Variants in UTRN observed in about 807,000 individuals in gnomAD.
UTRN encodes dystrophin-related protein 1.
Under a neutral mutation model 463.9 loss-of-function variants are expected in UTRN, and 283 were observed. The ratio of observed to expected loss-of-function variants is 0.61; its 90% confidence interval spans 0.55 to 0.67. The LOEUF is 0.67. UTRN is among the 30% of genes least tolerant of loss of function. The pLI is 0.00. For missense variants in UTRN, 3,922 were observed against 4,084.3 expected, an observed-to-expected ratio of 0.96 and a Z score of 1.08; for synonymous variants, 1,442 against 1,431.5, an observed-to-expected ratio of 1.01 and a Z score of -0.17.
At chr6:144,673,408 G>T (rs1030400108) in intron 51 of UTRN, among the ~76,000 whole-genome samples, 17 of 151,802 alleles carry the variant, frequency 1.1e-4, no homozygotes, top group African/African-American at 3.6e-4. Context: ...ATCCTTTCTT[G>T]TCTCTTTAGT....
intron 51 of UTRN, among the ~76,000 whole-genome samples, chr6:144,662,310 A>G (rs2128672979): frequency 6.6e-6 from 1 of 152,306 alleles, no homozygotes; most frequent in South Asian, 2.1e-4. Context: ...AAGTATCAGT[A>G]CCTCACACGT....
chr6:144,309,668 C>T (rs944936497), intron 2 of UTRN, among the ~76,000 whole-genome samples: 30 of 152,216 alleles, frequency 2.0e-4, no homozygotes, highest in African/African-American at 6.5e-4. Context: ...ACTTGTCTCT[C>T]TGCTTCCTCC....
intron 2 of UTRN, among the ~76,000 whole-genome samples, chr6:144,311,166 C>G (rs910352518): frequency 2.0e-5 from 3 of 152,188 alleles, no homozygotes; most frequent in Non-Finnish European, 4.4e-5. Flanking sequence ...CTAAAAGGTC[C>G]CAGGTTATGG....
At chr6:144,577,015 T>C in intron 50 of UTRN, 84 bp from the exon 51 acceptor site, 1 of 1,377,600 alleles carries the variant, frequency 7.3e-7, no homozygotes, top group East Asian at 2.4e-5. Flanking sequence ...GGCTGCCTGT[T>C]AGTTTTTTAT....
intron 18 of UTRN, among the ~76,000 whole-genome samples, chr6:144,453,225 C>A (rs1399024129): frequency 2.0e-5 from 3 of 152,046 alleles, no homozygotes; most frequent in Non-Finnish European, 4.4e-5. Context: ...CGGGTTCAAG[C>A]AATTCTCATG....
rs1346713119 is a variant in UTRN at position 144,462,689 on chromosome 6, A to C, written c.2889A>C (p.Ala963=). The part of the protein sequence containing the change: ...LDEILENQKP[A]LHKLAEETKA... ...AAATCCTTGAGAATCAGAAACCTGC[A>C]TTACATAAACTTGCAGAAGAAACAA... The change falls in exon 23 of 75, where the codon GCA becomes GCC. Residue 963 remains alanine, a synonymous_variant. Transcript: ENST00000367545. 6.2e-7 allele frequency: 1 copy of C among 1,603,866 alleles called. No homozygotes were observed.
chr6:144,788,737 A>G (rs920581841), intron 61 of UTRN, among the ~76,000 whole-genome samples: 3 of 151,820 alleles, frequency 2.0e-5, no homozygotes, highest in Non-Finnish European at 4.4e-5. Flanking sequence ...CTAATTTTGT[A>G]TTTTTAGTAG....
intron 50 of UTRN, among the ~76,000 whole-genome samples, chr6:144,562,027 A>G (rs1289849612): frequency 1.3e-5 from 2 of 152,108 alleles, no homozygotes; most frequent in East Asian, 1.9e-4. Context: ...TAGATATTCT[A>G]AAATTTTATT....
chr6:144,691,284 T>G (rs776153883), intron 52 of UTRN, among the ~76,000 whole-genome samples: 2 of 152,082 alleles, frequency 1.3e-5, no homozygotes, highest in South Asian at 2.1e-4. Flanking sequence ...GCCCAGCTAA[T>G]TTTTGTATTT....
Position 144,514,028 on chromosome 6 carries a change from A to T in UTRN, c.5064A>T (p.Glu1688Asp). Residue 1688 changes from glutamate to aspartate, a missense_variant, in exon 36 of 75, where the codon GAA becomes GAT. This residue lies in a region of UTRN where 2,349 missense variants were observed against 2,303.8 expected (regional missense o/e 1.02). Coordinates refer to ENST00000367545, the MANE Select transcript of UTRN (RefSeq NM_007124.3). ...IEKKPTSKQE[E>D]IVKRLVSELD... is the part of the protein sequence containing the mutation. ...AGAAACCAACAAGTAAACAGGAAGA[A>T]ATTGTGAAGGTAGCAAACACAGACA... 6.2e-7 allele frequency: 1 copy of T among 1,613,884 alleles called. No homozygotes were observed. The highest frequency in any genetic ancestry group is 8.5e-7 in the Non-Finnish European group (1 of 1,179,860).
In UTRN at chr6:144,542,762, ATTC is replaced by A. The variant is rs371414134; in HGVS notation, c.6520-28_6520-26del. On this transcript the variant is annotated intron_variant, in intron 45 of 74. Coordinates refer to ENST00000367545, the MANE Select transcript of UTRN (RefSeq NM_007124.3). ...CTACAGTCATCTTTATTTACGTAGTATTCTTCTCTTTCTGTTTGTCCTGATGCG... is the reference window on the plus strand; with the variant it reads ...CTACAGTCATCTTTATTTACGTAGTATTCTCTTTCTGTTTGTCCTGATGCG... 4.6e-4 allele frequency: 739 copies of A among 1,596,962 alleles called. 5 individuals are homozygous for A. In the South Asian group the frequency reaches 6.8e-3, roughly 15 times the overall value.
chr6:144,795,202 C>T (rs1326259861), intron 63 of UTRN, among the ~76,000 whole-genome samples: 1 of 152,188 alleles, frequency 6.6e-6, no homozygotes, highest in Non-Finnish European at 1.5e-5. Context: ...GACATGGACT[C>T]ATCCTTTTTT....
At chr6:144,374,489 A>G (rs1025886259) in intron 2 of UTRN, among the ~76,000 whole-genome samples, 1 of 142,034 alleles carries the variant, frequency 7.0e-6, no homozygotes, top group African/African-American at 2.6e-5. Context: ...TAAAAACACA[A>G]TTTTTTTTTT....
At chr6:144,411,463 G>C (rs1283460318) in intron 3 of UTRN, among the ~76,000 whole-genome samples, 2 of 152,126 alleles carry the variant, frequency 1.3e-5, no homozygotes, top group Admixed American at 6.6e-5. Context: ...TGTCCGTGGA[G>C]TATGCTAGTG....
intron 19 of UTRN, among the ~76,000 whole-genome samples, chr6:144,457,454 A>G (rs1184300071): frequency 6.6e-6 from 1 of 152,192 alleles, no homozygotes; most frequent in African/African-American, 2.4e-5. Context: ...TGGTGTTACT[A>G]TTCCTTTGCC....
intron 66 of UTRN, among the ~76,000 whole-genome samples, chr6:144,826,420 CT>C (rs33932547): frequency 0.29 from 44,561 of 151,804 alleles, 7,375 homozygotes; most frequent in East Asian, 0.45. Context: ...CTTTTGCAGA[CT>C]TTTATTTAAT....
chr6:144,741,230 G>A (rs1208137887), intron 54 of UTRN, among the ~76,000 whole-genome samples: 1 of 152,202 alleles, frequency 6.6e-6, no homozygotes, highest in Non-Finnish European at 1.5e-5. Flanking sequence ...AAGAATGGCA[G>A]AGCATGGGTA....
At chr6:144,394,473 C>T (rs560722164) in intron 2 of UTRN, among the ~76,000 whole-genome samples, 2 of 152,102 alleles carry the variant, frequency 1.3e-5, no homozygotes, top group South Asian at 2.1e-4. Context: ...CCTCCCATAA[C>T]CCATGGGAAT....
intron 52 of UTRN, among the ~76,000 whole-genome samples, chr6:144,695,375 AC>A (rs1373464528): frequency 3.4e-5 from 5 of 149,012 alleles, no homozygotes; most frequent in Admixed American, 2.0e-4. Context: ...ACAGAGTCTC[AC>A]TGTGTTGCCA....
Sources: gnomAD v4.1 joint callset for allele counts (sites outside exome capture counted in the v4.1 genomes callset) on GRCh38, gnomAD v4.1.1 for gene constraint, gnomAD v4.1.1 regional missense constraint, MANE v1.5 for transcripts, NCBI Gene and HGNC (gene_info 2026-07-23, HGNC 2026-07-21) for gene names.